HSPG2: variants seen among roughly 807,000 people sequenced by gnomAD.
HSPG2 encodes the protein basement membrane-specific heparan sulfate proteoglycan core protein.
HSPG2 carries 278 observed loss-of-function variants against 526.6 expected under a neutral mutation model. The observed-to-expected ratio is 0.53, with a 90% CI of 0.48 to 0.58. The LOEUF is 0.58. Ranked by LOEUF, HSPG2 falls within the 20% of genes least tolerant of loss-of-function variation. The pLI, the probability that HSPG2 is intolerant of heterozygous loss-of-function variation, is 0.00. For missense variants in HSPG2, 5,354 were observed against 6,099.5 expected (o/e 0.88, Z 4.07); for synonymous variants, 2,465 against 2,555.4 (o/e 0.96, Z 1.07).
chr1:21,851,307 A>C lies in HSPG2; in HGVS notation c.7158+239T>G, dbSNP rs2152718971. 11 of 597,204 alleles carry C rather than the reference A, an allele frequency of 1.8e-5. No individual in the cohort carries two copies. The South Asian group carries it at 2.0e-4, about 11-fold the overall frequency. 37.0% of individuals were successfully genotyped at this position (597,204 alleles called of 1,614,324 possible). On this transcript the variant is annotated intron_variant, in intron 55 of 96. Coordinates refer to ENST00000374695, the MANE Select transcript of HSPG2 (RefSeq NM_005529.7). Reference sequence around the variant, plus strand: ...CATTGTTACCATTTTATAGGCCCTGAAACTATAGCACAGAGAGGTTAAGTA... The same window carrying C: ...CATTGTTACCATTTTATAGGCCCTGCAACTATAGCACAGAGAGGTTAAGTA...
intron 1 of HSPG2, among the ~76,000 whole-genome samples, chr1:21,905,141 A>C (rs943110605): frequency 1.3e-5 from 2 of 150,406 alleles, no homozygotes; most frequent in African/African-American, 4.9e-5. Flanking sequence ...GGTTCTATGT[A>C]ATCTGTCTAC....
At chr1:21,917,633 A>C (rs2152794740) in intron 1 of HSPG2, among the ~76,000 whole-genome samples, 1 of 152,228 alleles carries the variant, frequency 6.6e-6, no homozygotes, top group Non-Finnish European at 1.5e-5. Flanking sequence ...GAACTGGACG[A>C]CACCCACTCA....
At chr1:21,867,143 A>G (rs1640305379) in intron 33 of HSPG2, among the ~76,000 whole-genome samples, 2 of 127,222 alleles carry the variant, frequency 1.6e-5, no homozygotes, top group Admixed American at 8.8e-5. Context: ...TTAAATAGAG[A>G]TGGGGTCTCC....
At chr1:21,843,561 C>T (rs1572197039) in intron 65 of HSPG2, 123 bp from the exon 66 acceptor site, 2 of 999,908 alleles carry the variant, frequency 2.0e-6, no homozygotes, top group East Asian at 2.6e-5. Flanking sequence ...TGGAGGCGAC[C>T]CCTTTGACAG....
At position 21,853,063 on chromosome 1, in the gene HSPG2, G is replaced by T. The variant is rs765745979; in HGVS notation, c.6447C>A (p.Gly2149=). Residue 2149 remains glycine, a synonymous_variant, in exon 51 of 97, where the codon GGC becomes GGA. Transcript: ENST00000374695. ...HSGPSYTPVP[G]STRPIRIEPS... is the part of the protein sequence containing the mutation. Reference sequence around the variant, plus strand: ...GCTCGATGCGGATGGGCCGGGTGCTGCCGGGCACTGGACACAGAGCGGCTG... The same window carrying T: ...GCTCGATGCGGATGGGCCGGGTGCTTCCGGGCACTGGACACAGAGCGGCTG... 1 of 1,613,842 alleles carries T rather than the reference G, an allele frequency of 6.2e-7. No individual in the cohort carries two copies. The highest frequency in any genetic ancestry group is 8.5e-7 in the Non-Finnish European group (1 of 1,179,946).
In HSPG2 at chr1:21,823,721, T is replaced by C. The variant is rs111306515; in HGVS notation, c.12900-2A>G. The C allele has an allele frequency of 9.9e-6, 16 of 1,612,274 alleles. No homozygotes were observed. In the African/African-American group the frequency reaches 1.9e-4, roughly 19 times the overall value. On this transcript the variant is annotated splice_acceptor_variant, in intron 95 of 96. Coordinates refer to ENST00000374695, the MANE Select transcript of HSPG2 (RefSeq NM_005529.7). LOFTEE classifies it high-confidence loss of function. ...TGGATGGAACCTCTGCGGCCCTCCC[T>C]GCAGTGGAACTGGGTCAGGCCCCTT... is the stretch of plus-strand genomic sequence containing the variant.
In HSPG2 at chr1:21,833,314, G is replaced by A; in HGVS notation, c.11049C>T (p.Tyr3683=). The change falls in exon 80 of 97, where the codon TAC becomes TAT. Residue 3683 remains tyrosine (Y), a synonymous_variant. Transcript: ENST00000374695. The part of the protein sequence containing the change: ...FLPLPTIKDA[Y]RKFEIKITFR... ...AGGTGATCTTGATCTCGAACTTCCT[G>A]TAGGCATCCTTGATGGTGGGCAGCG... 1 of 1,614,148 alleles carries A rather than the reference G, an allele frequency of 6.2e-7. No homozygotes were observed. The highest frequency in any genetic ancestry group is 8.5e-7 in the Non-Finnish European group (1 of 1,180,018).
At position 21,859,909 on chromosome 1, in the gene HSPG2, C is replaced by A. The variant is rs764808131; in HGVS notation, c.5108G>T (p.Ser1703Ile). 1.4e-5 allele frequency: 23 copies of A among 1,610,048 alleles called. No homozygotes were observed. In the African/African-American group the frequency reaches 3.1e-4, roughly 21 times the overall value. The change falls in exon 41 of 97, where the codon AGC becomes ATC. Residue 1703 changes from serine to isoleucine, a missense_variant. Physicochemically the swap from Ser to Ile is moderately radical, Grantham distance 142. Transcript: ENST00000374695. The surrounding 1 kb of genome is among the most constrained non-coding windows in gnomAD (Gnocchi z 5.3). ...SHSLRCQVSG[S>I]PPHYFYWSRE... ...GGACCAATAGAAGTAGTGGGGTGGG[C>A]TCCCACTGACCTGACACCGCAGGGA...
chr1:21,889,699 G>A, intron 6 of HSPG2: 2 of 477,906 alleles, frequency 4.2e-6, no homozygotes, highest in East Asian at 3.7e-5. Flanking sequence ...ATGTGTTTTG[G>A]ACTTGGAAGT....
chr1:21,894,769 A>G (rs1026572354), intron 3 of HSPG2, among the ~76,000 whole-genome samples: 13 of 152,194 alleles, frequency 8.5e-5, no homozygotes, highest in Non-Finnish European at 1.5e-5. Flanking sequence ...AGGCAGCTCC[A>G]GGGACACATT....
chr1:21,872,532 A>T lies in HSPG2; in HGVS notation c.4029+88T>A, dbSNP rs1212317103. ...GGCATGTGAGGGTACTGAGGCGGGG[A>T]TGAGGGTCGCTGGGCTCAGTGCTCA... On this transcript the variant is annotated intron_variant, in intron 32 of 96. Coordinates refer to ENST00000374695, the MANE Select transcript of HSPG2 (RefSeq NM_005529.7). This position sits in a 1 kb window ranked among gnomAD's most constrained non-coding sequence, Gnocchi z 5.5. 2.7e-5 allele frequency: 40 copies of T among 1,495,840 alleles called. No individual in the cohort carries two copies. The highest frequency in any genetic ancestry group is 1.5e-4 in the East Asian group (6 of 40,718). 92.7% of individuals were successfully genotyped at this position (1,495,840 alleles called of 1,614,324 possible).
At chr1:21,919,001 C>A (rs1468613483) in intron 1 of HSPG2, among the ~76,000 whole-genome samples, 1 of 152,238 alleles carries the variant, frequency 6.6e-6, no homozygotes, top group Non-Finnish European at 1.5e-5. Flanking sequence ...CCCTACAGGC[C>A]ATGTCAGTAG....
chr1:21,885,081 C>T lies in HSPG2; in HGVS notation c.1287G>A (p.Val429=), dbSNP rs1485242593. ...TGATGGGGGTGGGGACGCCAATGGC[C>T]ACGCAGGTGAAGGTCACTGTCTGGC... The part of the protein sequence containing the change: ...SRGQTVTFTC[V]AIGVPTPIIN... Residue 429 remains valine (V), a synonymous_variant, in exon 11 of 97, where the codon GTG becomes GTA. Transcript: ENST00000374695. The T allele has an allele frequency of 6.2e-7, 1 of 1,613,808 alleles. No homozygotes were observed. Among genetic ancestry groups the T allele is most frequent in the South Asian group, 1.1e-5 (1 of 91,076 alleles).
In HSPG2 at chr1:21,838,029, G is replaced by A. The variant is rs560393575; in HGVS notation, c.10150+796C>T. Among the ~76,000 whole-genome samples, 238 of 151,850 alleles carry A rather than the reference G, an allele frequency of 1.6e-3. 1 individual carries two copies. The highest frequency in any genetic ancestry group is 5.2e-3 in the African/African-American group (214 of 41,410). On this transcript the variant is annotated intron_variant, in intron 74 of 96. Transcript: ENST00000374695. ...CGCGTGCCTGTAGTGCCAGCTACTCGGGAGGCTGAGGCACGAGAAAGGCTT... is the reference window on the plus strand; with the variant it reads ...CGCGTGCCTGTAGTGCCAGCTACTCAGGAGGCTGAGGCACGAGAAAGGCTT...
chr1:21,934,603 T>G (rs1401337565), intron 1 of HSPG2, among the ~76,000 whole-genome samples: 1 of 148,258 alleles, frequency 6.7e-6, no homozygotes, highest in Non-Finnish European at 1.5e-5. Context: ...ATGCCCTCTT[T>G]TTTTTTTTTT....
chr1:21,878,703 G>A (rs773262002), intron 18 of HSPG2, 40 bp from the exon 19 acceptor site: 1 of 1,569,810 alleles, frequency 6.4e-7, no homozygotes, highest in South Asian at 1.1e-5. Context: ...GCAGGGCTGG[G>A]GTCAGGCTTT....
chr1:21,873,515 C>T (rs1242534702), intron 29 of HSPG2, 91 bp from the exon 30 acceptor site: 10 of 1,205,030 alleles, frequency 8.3e-6, no homozygotes, highest in Non-Finnish European at 1.1e-5. Flanking sequence ...ATTCAATGGC[C>T]TCATGCACTG....
At chr1:21,873,237 C>A in intron 30 of HSPG2, 138 bp downstream of exon 30, 1 of 1,178,028 alleles carries the variant, frequency 8.5e-7, no homozygotes, top group Non-Finnish European at 1.3e-6. Flanking sequence ...GGTGGTGGGG[C>A]CTTCTCCTAT....
chr1:21,937,095 G>T, intron 1 of HSPG2, 60 bp downstream of exon 1: 1 of 457,350 alleles, frequency 2.2e-6, no homozygotes, highest in South Asian at 9.0e-5. Context: ...CGGCGAGCGG[G>T]ACCGGGGCGC....
Sources: gnomAD v4.1 joint callset for allele counts (sites outside exome capture counted in the v4.1 genomes callset) on GRCh38, gnomAD v4.1.1 for gene constraint, Gnocchi (gnomAD v3.1) non-coding constraint, MANE v1.5 for transcripts, NCBI Gene and HGNC (gene_info 2026-07-23, HGNC 2026-07-21) for gene names.